ELP1: variants seen among roughly 807,000 people sequenced by gnomAD.
The protein encoded by ELP1 is elongator complex protein 1.
In ELP1, 131 loss-of-function variants were observed where a neutral mutation model predicts 183.2. The ratio of observed to expected loss-of-function variants is 0.72; its 90% CI spans 0.62 to 0.83. ELP1 has a LOEUF of 0.83. Among genes scored for constraint, ELP1 ranks in the 40% least tolerant of loss-of-function variants. The pLI is 0.00. For missense variants in ELP1, 1,550 were observed against 1,594.9 expected (o/e 0.97, Z 0.48); for synonymous variants, 555 against 569.0 (o/e 0.98, Z 0.35).
rs769927115 is a variant in ELP1 at position 108,900,271 on chromosome 9, G to A, written c.2119C>T (p.Leu707Phe). Residue 707 changes from leucine (L) to phenylalanine (F), a missense_variant, in exon 19 of 37, where the codon CTT becomes TTT. Coordinates refer to ENST00000374647, the MANE Select transcript of ELP1 (RefSeq NM_003640.5). ...AAAAACCAGCTTACCTGTAATACAA[G>A]CTTTGTGTCCTGGGGCACAACAGTG... The part of the protein sequence containing the change: ...IVTVVPQDTK[L>F]VLQMPRGNLE... 1.1e-5 allele frequency: 17 copies of A among 1,612,682 alleles called. No individual in the cohort carries two copies. Among genetic ancestry groups the A allele is most frequent in the Non-Finnish European group, 1.4e-5 (17 of 1,178,770 alleles).
chr9:108,914,254 C>G (rs1258331715), intron 10 of ELP1, among the ~76,000 whole-genome samples: 2 of 151,714 alleles, frequency 1.3e-5, no homozygotes, highest in Non-Finnish European at 2.9e-5. Context: ...AAAAAATTAG[C>G]CAGGCTTGGT....
chr9:108,922,525 G>A (rs890280408), intron 6 of ELP1, among the ~76,000 whole-genome samples: 3 of 152,232 alleles, frequency 2.0e-5, no homozygotes, highest in African/African-American at 4.8e-5. Context: ...TCTCTCTGGA[G>A]AGGAAGGGGA....
At chr9:108,932,364 G>T (rs951521855) in intron 1 of ELP1, among the ~76,000 whole-genome samples, 1 of 151,134 alleles carries the variant, frequency 6.6e-6, no homozygotes, top group African/African-American at 2.4e-5. Flanking sequence ...TTTTTGAGAC[G>T]GAGTTTCGCT....
chr9:108,884,910 T>C (rs1828066790), intron 29 of ELP1, among the ~76,000 whole-genome samples: 1 of 151,702 alleles, frequency 6.6e-6, no homozygotes, highest in Admixed American at 6.6e-5. Context: ...TAACACCCCA[T>C]CTCTACAAAA....
intron 14 of ELP1, among the ~76,000 whole-genome samples, chr9:108,905,234 T>C (rs1939194221): frequency 6.6e-6 from 1 of 152,172 alleles, no homozygotes; most frequent in Admixed American, 6.5e-5. Context: ...AAAGGAAAGG[T>C]TCCTAATTTT....
chr9:108,916,169 T>C (rs1341637973), intron 10 of ELP1, 35 bp downstream of exon 10: 2 of 1,496,284 alleles, frequency 1.3e-6, no homozygotes, highest in South Asian at 1.1e-5. Flanking sequence ...CTACGTTTTA[T>C]GGGGCAGAAG....
intron 25 of ELP1, among the ~76,000 whole-genome samples, chr9:108,895,159 G>GCCTA (rs1828491954): frequency 6.6e-6 from 1 of 152,132 alleles, no homozygotes; most frequent in South Asian, 2.1e-4. Flanking sequence ...AGCCTAGGAG[G>GCCTA]CGTAGGTTGC....
chr9:108,898,616 T>A, intron 21 of ELP1, 35 bp from the exon 22 acceptor site: 1 of 1,600,428 alleles, frequency 6.2e-7, no homozygotes, highest in Non-Finnish European at 8.6e-7. Context: ...TTCGTTCAGA[T>A]CATATTAGTT....
chr9:108,922,371 A>G (rs1453121031), intron 6 of ELP1, among the ~76,000 whole-genome samples: 1 of 152,216 alleles, frequency 6.6e-6, no homozygotes, highest in Non-Finnish European at 1.5e-5. Flanking sequence ...TTGAGTCATC[A>G]AGACATCATT....
At chr9:108,919,384 G>T (rs1452661065) in intron 6 of ELP1, 35 bp from the exon 7 acceptor site, 4 of 1,376,914 alleles carry the variant, frequency 2.9e-6, no homozygotes, top group Non-Finnish European at 4.1e-6. Context: ...ATTACTGGGG[G>T]ACCTTAAGTA....
At chr9:108,874,783 T>G in intron 36 of ELP1, 112 bp downstream of exon 36, 1 of 776,120 alleles carries the variant, frequency 1.3e-6, no homozygotes, top group Non-Finnish European at 2.3e-6. Context: ...GTCAATTTTT[T>G]GTAGTGAAAA....
chr9:108,901,411 C>G lies in ELP1; in HGVS notation c.2014+14G>C. 1.3e-6 allele frequency: 2 copies of G among 1,548,824 alleles called. No homozygotes were observed. Among genetic ancestry groups the G allele is most frequent in the South Asian group, 2.2e-5 (2 of 89,718 alleles). On this transcript the variant is annotated intron_variant, in intron 18 of 36. Transcript: ENST00000374647. ...GAGAAGGGACCATTTCTGTTTTATA[C>G]ATTGAAAACTTACTTTTAAATGAAG...
intron 13 of ELP1, among the ~76,000 whole-genome samples, chr9:108,906,990 G>A (rs1399006138): frequency 1.3e-5 from 2 of 152,122 alleles, no homozygotes; most frequent in African/African-American, 4.8e-5. Flanking sequence ...CCTCACGTAG[G>A]AACCGACAAT....
chr9:108,921,609 A>ATTT (rs1194923658), intron 6 of ELP1, among the ~76,000 whole-genome samples: 2 of 152,150 alleles, frequency 1.3e-5, no homozygotes, highest in Non-Finnish European at 2.9e-5. Flanking sequence ...ATCACTTAAA[A>ATTT]ATCAGGGGGA....
In ELP1 at chr9:108,878,137, T is replaced by C. The variant is rs1426290197; in HGVS notation, c.3713A>G (p.His1238Arg). Residue 1238 changes from histidine (H) to arginine (R), a missense_variant, in exon 35 of 37, where the codon CAT becomes CGT. Physicochemically the swap from His to Arg is conservative, Grantham distance 29. Coordinates refer to ENST00000374647, the MANE Select transcript of ELP1 (RefSeq NM_003640.5). The stretch of plus-strand genomic sequence containing the variant: ...AAAGAGAAAGAGTACCTTTAAAATA[T>C]GGTATACTTCATCTAGAGAGAAGAA... ...NTENLKDEVY[H>R]ILKVLFLFEF... 3 of 1,608,188 alleles carry C rather than the reference T, an allele frequency of 1.9e-6. No individual in the cohort carries two copies. The highest frequency in any genetic ancestry group is 1.7e-6 in the Non-Finnish European group (2 of 1,174,668).
At chr9:108,885,388 C>G (rs1046294145) in intron 29 of ELP1, among the ~76,000 whole-genome samples, 1 of 152,008 alleles carries the variant, frequency 6.6e-6, no homozygotes, top group Admixed American at 6.5e-5. Context: ...ACACTTCATA[C>G]CAATAAATCT....
At chr9:108,930,014 T>TG in intron 2 of ELP1, 93 bp from the exon 3 acceptor site, 5 of 1,408,328 alleles carry the variant, frequency 3.6e-6, no homozygotes, top group Admixed American at 1.7e-5. Context: ...GCTTCTTTTA[T>TG]TACATAAAAG....
intron 29 of ELP1, among the ~76,000 whole-genome samples, chr9:108,885,994 C>T (rs1266648627): frequency 6.6e-6 from 1 of 152,176 alleles, no homozygotes; most frequent in Non-Finnish European, 1.5e-5. Context: ...TGAAGAAGAC[C>T]TTGGCCCATG....
At chr9:108,908,908 C>A (rs182369362) in intron 12 of ELP1, among the ~76,000 whole-genome samples, 2 of 152,202 alleles carry the variant, frequency 1.3e-5, no homozygotes, top group Non-Finnish European at 2.9e-5. Context: ...ACTCACCCAC[C>A]ACCTTCCCCT....
Sources: gnomAD v4.1 joint callset for allele counts (sites outside exome capture counted in the v4.1 genomes callset) on GRCh38, gnomAD v4.1.1 for gene constraint, MANE v1.5 for transcripts, NCBI Gene and HGNC (gene_info 2026-07-23, HGNC 2026-07-21) for gene names.